The following SLC33A2 variants were observed in gnomAD, a reference collection of about 807,000 sequenced individuals.
SLC33A2 encodes the protein major facilitator superfamily domain containing 3.
At chr8:144,509,793 C>G in the SLC33A2 span, 4 of 1,545,906 alleles carry the variant, frequency 2.6e-6, no homozygotes, top group African/African-American at 5.5e-5. Context: ...TGGGGGCGCG[C>G]TGCTGGCGCT....
chr8:144,510,479 C>CT, the SLC33A2 span: 1 of 1,612,798 alleles, frequency 6.2e-7, no homozygotes. Context: ...TGGCTCCTCC[C>CT]TGGGTGGGAC....
chr8:144,510,666 T>C, the SLC33A2 span: 1 of 1,559,874 alleles, frequency 6.4e-7, no homozygotes, highest in East Asian at 2.3e-5. Context: ...CAGACTGCCT[T>C]GGTCTTCCAC....
the SLC33A2 span, chr8:144,509,319 C>A: frequency 7.0e-7 from 1 of 1,438,556 alleles, no homozygotes; most frequent in Non-Finnish European, 9.1e-7. Context: ...AGCCTCGCAG[C>A]CGGCCTGAGC....
the SLC33A2 span, chr8:144,509,977 C>A: frequency 1.1e-5 from 18 of 1,596,188 alleles, no homozygotes; most frequent in African/African-American, 1.6e-4. Flanking sequence ...GTGCCGGGGA[C>A]CGTGTGGACG....
the SLC33A2 span, chr8:144,510,349 C>A: frequency 2.0e-5 from 33 of 1,611,236 alleles, no homozygotes; most frequent in Admixed American, 5.3e-4. Flanking sequence ...ATGCCCCCCC[C>A]ACCACCCAAG....
At chr8:144,511,017 G>A in the SLC33A2 span, 332 of 1,602,448 alleles carry the variant, frequency 2.1e-4, 1 homozygote, top group South Asian at 3.2e-3. Flanking sequence ...TTCTGGCCAC[G>A]CTGGAGCTGC....
chr8:144,510,422 G>A, the SLC33A2 span: 8 of 1,612,706 alleles, frequency 5.0e-6, no homozygotes, highest in East Asian at 4.5e-5. Context: ...TTCTGCTCCC[G>A]AGTTGGGACT....
chr8:144,511,035 G>A, the SLC33A2 span: 3 of 1,604,266 alleles, frequency 1.9e-6, no homozygotes, highest in Non-Finnish European at 2.5e-6. Context: ...TGCTGGGGAA[G>A]CTGCTGCTGG....
At chr8:144,510,741 G>A in the SLC33A2 span, 1 of 1,602,538 alleles carries the variant, frequency 6.2e-7, no homozygotes. Flanking sequence ...CTGGCCTTGA[G>A]GAGGAAGAGA....
At chr8:144,509,241 G>A in the SLC33A2 span, 1 of 1,266,362 alleles carries the variant, frequency 7.9e-7, no homozygotes, top group Non-Finnish European at 1.0e-6. Context: ...GCCATGCCGG[G>A]GTGTGGCCTC....
the SLC33A2 span, chr8:144,509,965 C>T: frequency 4.4e-6 from 7 of 1,595,874 alleles, no homozygotes; most frequent in African/African-American, 6.7e-5. Flanking sequence ...GACGTGCTAG[C>T]CGTGCCGGGG....
the SLC33A2 span, chr8:144,510,411 T>C: frequency 1.2e-6 from 2 of 1,612,768 alleles, no homozygotes; most frequent in Non-Finnish European, 1.7e-6. Flanking sequence ...GACCACGGCG[T>C]TTCTGCTCCC....
the SLC33A2 span, chr8:144,510,970 C>T: frequency 3.8e-4 from 607 of 1,599,238 alleles, 2 homozygotes; most frequent in Admixed American, 4.7e-4. Flanking sequence ...TGACCTTGAC[C>T]GTGACCCCCA....
chr8:144,509,649 CTGT>C, the SLC33A2 span: 1 of 1,545,500 alleles, frequency 6.5e-7, no homozygotes, highest in South Asian at 1.2e-5. Flanking sequence ...GGGGTTGCTG[CTGT>C]TGTTGAACCT....
chr8:144,509,701 C>T, the SLC33A2 span: 23 of 1,565,800 alleles, frequency 1.5e-5, no homozygotes, highest in Non-Finnish European at 8.6e-6. Flanking sequence ...GACGCGCTGG[C>T]TGTGCAGCTG....
the SLC33A2 span, chr8:144,510,076 TC>T: frequency 5.2e-6 from 8 of 1,531,474 alleles, no homozygotes; most frequent in East Asian, 1.7e-4. Flanking sequence ...TCCAGGTGTG[TC>T]CCCAGGGGCT....
chr8:144,510,306 G>A, the SLC33A2 span: 57 of 1,601,742 alleles, frequency 3.6e-5, no homozygotes, highest in African/African-American at 2.8e-4. Flanking sequence ...GGGGAGAAGG[G>A]AGGTGGGGGC....
chr8:144,510,237 C>T, the SLC33A2 span: 2 of 1,467,154 alleles, frequency 1.4e-6, no homozygotes, highest in African/African-American at 1.4e-5. Context: ...CCCACTTCTC[C>T]CCCAGTATCT....
the SLC33A2 span, chr8:144,510,205 C>T: frequency 3.2e-5 from 43 of 1,325,028 alleles, no homozygotes; most frequent in Non-Finnish European, 4.1e-5. Context: ...TAGCCCCATC[C>T]CTGAGCGCTC....
Sources: gnomAD v4.1 joint callset for allele counts on GRCh38, gnomAD v4.1.1 for gene constraint, MANE v1.5 for transcripts, NCBI Gene and HGNC (gene_info 2026-07-23, HGNC 2026-07-21) for gene names.